EFCAB13: variants seen among roughly 807,000 people sequenced by gnomAD.
The protein encoded by EFCAB13 is EF-hand calcium binding domain 13.
In EFCAB13, 91 loss-of-function variants were observed where a neutral mutation model predicts 110.2. The observed-to-expected ratio is 0.83, with a 90% CI of 0.70 to 0.98. The LOEUF (loss-of-function observed/expected upper bound fraction) is 0.98, where lower values mean the gene tolerates loss of function less well. Among genes scored for constraint, EFCAB13 ranks in the 50% least tolerant of loss-of-function variants. The probability of loss-of-function intolerance (pLI) is 0.00; values close to 1 mark genes in which losing one functional copy is unlikely to be tolerated. For synonymous variants in EFCAB13, 323 were observed against 369.9 expected (o/e 0.87, Z 1.45); for missense variants, 968 against 1,119.4 (o/e 0.86, Z 1.93).
intron 14 of EFCAB13, among the ~76,000 whole-genome samples, chr17:47,387,484 C>T (rs2065682919): frequency 6.6e-6 from 1 of 152,160 alleles, no homozygotes; most frequent in African/African-American, 2.4e-5. Context: ...TATTTGGGTC[C>T]TCTGTTGTTG....
At chr17:47,398,464 T>C (rs1291856183) in intron 17 of EFCAB13, among the ~76,000 whole-genome samples, 1 of 151,514 alleles carries the variant, frequency 6.6e-6, no homozygotes, top group Admixed American at 6.6e-5. Context: ...ATGGTTGCCG[T>C]GTCTGTGTAG....
At chr17:47,421,858 C>T (rs1949737497) in intron 23 of EFCAB13, among the ~76,000 whole-genome samples, 1 of 152,126 alleles carries the variant, frequency 6.6e-6, no homozygotes. Flanking sequence ...GTTCAGACGG[C>T]TTCATTGGTA....
intron 8 of EFCAB13, among the ~76,000 whole-genome samples, chr17:47,345,880 G>T (rs958383097): frequency 5.3e-5 from 8 of 151,712 alleles, no homozygotes; most frequent in Admixed American, 3.3e-4. Context: ...GTTTCCTTTG[G>T]TATCTATTCC....
chr17:47,339,836 A>G (rs1429023611), intron 5 of EFCAB13: 1 of 152,238 alleles, frequency 6.6e-6, no homozygotes, highest in African/African-American at 2.4e-5. Context: ...TAATCTTGAA[A>G]TACCATTTCT....
chr17:47,394,366 A>G (rs2065726139), intron 16 of EFCAB13, among the ~76,000 whole-genome samples: 1 of 152,342 alleles, frequency 6.6e-6, no homozygotes, highest in Non-Finnish European at 1.5e-5. Context: ...AGAACCATGT[A>G]TAGCATTCGT....
intron 11 of EFCAB13, among the ~76,000 whole-genome samples, chr17:47,373,139 A>G (rs1410795837): frequency 6.6e-6 from 1 of 152,014 alleles, no homozygotes; most frequent in Non-Finnish European, 1.5e-5. Context: ...CGCAGACTAT[A>G]TATTTTCAAA....
intron 9 of EFCAB13, among the ~76,000 whole-genome samples, chr17:47,354,203 A>G (rs1197727321): frequency 1.3e-5 from 2 of 151,922 alleles, no homozygotes; most frequent in Non-Finnish European, 1.5e-5. Context: ...TTCCTTTTGG[A>G]GTTGATTTCC....
intron 10 of EFCAB13, among the ~76,000 whole-genome samples, chr17:47,365,551 A>G (rs1598735077): frequency 6.6e-6 from 1 of 152,342 alleles, no homozygotes; most frequent in Non-Finnish European, 1.5e-5. Context: ...GAAGATGGAT[A>G]GAACCTAAGA....
In EFCAB13 at chr17:47,344,866, G is replaced by A. The variant is rs2143267709; in HGVS notation, c.435-150G>A. 3 of 629,612 alleles carry A rather than the reference G, an allele frequency of 4.8e-6. No individual in the cohort carries two copies. In the South Asian group the frequency reaches 5.6e-5, roughly 12 times the overall value. The allele number at this position is 629,612 out of a possible 1,614,324, so 39.0% of individuals were successfully genotyped here. On this transcript the variant is annotated intron_variant, in intron 7 of 24. Coordinates refer to ENST00000331493, the MANE Select transcript of EFCAB13 (RefSeq NM_152347.5). The stretch of plus-strand genomic sequence containing the variant: ...CGAAAAGAAATAAGGTGAGACTTCT[G>A]AAGTGAAGAATATGGAATTTTCCAT...
chr17:47,345,177 T>A, intron 8 of EFCAB13, 79 bp downstream of exon 8: 1 of 977,504 alleles, frequency 1.0e-6, no homozygotes. Flanking sequence ...AGTTAGTGCC[T>A]CTTCATCTAC....
At chr17:47,349,171 C>T (rs548814090) in intron 9 of EFCAB13, among the ~76,000 whole-genome samples, 1 of 152,236 alleles carries the variant, frequency 6.6e-6, no homozygotes, top group East Asian at 1.9e-4. Flanking sequence ...TGAGAACAAC[C>T]AAGCCTTGTC....
At chr17:47,434,809 A>C (rs1905182934) in intron 24 of EFCAB13, among the ~76,000 whole-genome samples, 1 of 152,320 alleles carries the variant, frequency 6.6e-6, no homozygotes, top group African/African-American at 2.4e-5. Context: ...CTATTCAACA[A>C]ATGGTGTGGG....
intron 14 of EFCAB13, among the ~76,000 whole-genome samples, chr17:47,389,042 C>CT (rs1435188111): frequency 2.0e-5 from 3 of 151,670 alleles, no homozygotes; most frequent in Admixed American, 6.6e-5. Context: ...CATTCATAAT[C>CT]TTTTTTTTGA....
Position 47,402,116 on chromosome 17 carries a change from G to A in EFCAB13, c.1946-16G>A, listed in dbSNP as rs1467511375. 1 of 1,612,474 alleles carries A rather than the reference G, an allele frequency of 6.2e-7. No individual in the cohort carries two copies. On this transcript the variant is annotated splice_polypyrimidine_tract_variant and intron_variant, in intron 17 of 24. Coordinates refer to ENST00000331493, the MANE Select transcript of EFCAB13 (RefSeq NM_152347.5). ...GCGTAATGAGGTTGGTCTATTAAAA[G>A]TGTTTTTTCTCACAGAAGGTGACAA...
chr17:47,404,738 C>T (rs2065796827), intron 20 of EFCAB13, 105 bp downstream of exon 20: 2 of 732,232 alleles, frequency 2.7e-6, no homozygotes, highest in Non-Finnish European at 4.3e-6. Flanking sequence ...TTTATAGTAT[C>T]TGTGCCAAAT....
intron 20 of EFCAB13, among the ~76,000 whole-genome samples, chr17:47,406,827 A>C (rs961614263): frequency 2.0e-5 from 3 of 152,202 alleles, no homozygotes; most frequent in East Asian, 1.9e-4. Context: ...CCACTAAATG[A>C]ATCTTCTCTC....
intron 23 of EFCAB13, among the ~76,000 whole-genome samples, chr17:47,427,913 T>A (rs72829640): frequency 0.084 from 12,735 of 152,034 alleles, 702 homozygotes; most frequent in East Asian, 0.29. Flanking sequence ...AGAGTTTGAG[T>A]TTGTTTAGAA....
Position 47,374,673 on chromosome 17 carries a change from CA to C in EFCAB13, c.1085del (p.Asn362IlefsTer5), listed in dbSNP as rs1461678920. 5 of 1,609,302 alleles carry C rather than the reference CA, an allele frequency of 3.1e-6. No individual in the cohort carries two copies. Among genetic ancestry groups the C allele is most frequent in the African/African-American group, 2.7e-5 (2 of 74,324 alleles). Reference protein sequence around the residue: ...MENDDLESKRPKNTWQIRKFL... With the variant: ...MENDDLESKRXKNTWQIRKFL... The stretch of plus-strand genomic sequence containing the variant: ...AATGATGACCTTGAATCTAAAAGAC[CA>C]AAAAATACTTGGCAAATAAGAAAAT... On this transcript the variant is annotated frameshift_variant, in exon 12 of 25. Coordinates refer to ENST00000331493, the MANE Select transcript of EFCAB13 (RefSeq NM_152347.5). LOFTEE classifies it high-confidence loss of function.
intron 15 of EFCAB13, 146 bp downstream of exon 15, chr17:47,391,726 T>C (rs960292997): frequency 3.7e-5 from 25 of 671,984 alleles, no homozygotes; most frequent in Non-Finnish European, 5.4e-5. Flanking sequence ...TACTCAAAAG[T>C]ACAAGAAAAC....
Sources: gnomAD v4.1 joint callset for allele counts (sites outside exome capture counted in the v4.1 genomes callset) on GRCh38, gnomAD v4.1.1 for gene constraint, MANE v1.5 for transcripts, NCBI Gene and HGNC (gene_info 2026-07-23, HGNC 2026-07-21) for gene names.